EYS: variants seen among roughly 807,000 people sequenced by gnomAD.
EYS encodes the protein protein eyes shut homolog.
EYS carries 250 observed loss-of-function variants against 282.1 expected under a neutral mutation model. That is an observed-to-expected ratio of 0.89 (90% CI 0.80 to 0.98). EYS has a LOEUF of 0.98. EYS is among the 50% of genes least tolerant of loss of function. EYS has a pLI of 0.00. For missense variants in EYS, 4,016 were observed against 3,709.0 expected (o/e 1.08, Z -2.15); for synonymous variants, 1,355 against 1,282.9 (o/e 1.06, Z -1.20).
chr6:64,013,121 A>T (rs1768723110), intron 33 of EYS, among the ~76,000 whole-genome samples: 1 of 152,178 alleles, frequency 6.6e-6, no homozygotes, highest in Admixed American at 6.5e-5. Context: ...TTAAAAAAGG[A>T]TCTGTGATGA....
chr6:64,603,487 T>G (rs1307195550), intron 24 of EYS, among the ~76,000 whole-genome samples: 1 of 151,952 alleles, frequency 6.6e-6, no homozygotes, highest in African/African-American at 2.4e-5. Flanking sequence ...AAAAATCCAT[T>G]AGACAGGAAA....
intron 22 of EYS, among the ~76,000 whole-genome samples, chr6:64,769,079 G>A (rs1474262381): frequency 6.6e-6 from 1 of 152,018 alleles, no homozygotes; most frequent in Non-Finnish European, 1.5e-5. Context: ...AATTCTGCAG[G>A]TAGAAAATAA....
chr6:65,060,413 C>T (rs1297905952), intron 12 of EYS, among the ~76,000 whole-genome samples: 1 of 151,866 alleles, frequency 6.6e-6, no homozygotes, highest in Non-Finnish European at 1.5e-5. Flanking sequence ...TTAAATTCAT[C>T]CCCTAAAGTA....
intron 22 of EYS, among the ~76,000 whole-genome samples, chr6:64,668,557 TTTTTTTTTTC>T (rs1416657644): frequency 6.9e-6 from 1 of 145,072 alleles, no homozygotes; most frequent in Non-Finnish European, 1.5e-5. Context: ...TTTTTTTTTT[TTTTTTTTTTC>T]GGGACAGAGT....
chr6:63,725,017 T>C (rs924349192), intron 42 of EYS, among the ~76,000 whole-genome samples: 9 of 152,176 alleles, frequency 5.9e-5, no homozygotes, highest in Non-Finnish European at 1.3e-4. Context: ...AATAAACTTG[T>C]TATATCACTT....
chr6:64,461,816 A>G (rs1775761146), intron 26 of EYS, among the ~76,000 whole-genome samples: 1 of 152,174 alleles, frequency 6.6e-6, no homozygotes, highest in Non-Finnish European at 1.5e-5. Context: ...TCATTTTAAA[A>G]TATTTTCAAT....
chr6:65,514,097 A>C (rs1767020117), intron 2 of EYS, among the ~76,000 whole-genome samples: 1 of 152,080 alleles, frequency 6.6e-6, no homozygotes, highest in Non-Finnish European at 1.5e-5. Flanking sequence ...GCAAAGTCTC[A>C]GGATACAAAA....
At chr6:65,182,370 T>TA (rs1310740728) in intron 12 of EYS, among the ~76,000 whole-genome samples, 1 of 151,574 alleles carries the variant, frequency 6.6e-6, no homozygotes, top group Middle Eastern at 3.2e-3. Context: ...AGGCCAATTT[T>TA]AAAGCTTTTA....
chr6:65,572,655 G>A (rs536994833), intron 2 of EYS, among the ~76,000 whole-genome samples: 72 of 152,174 alleles, frequency 4.7e-4, no homozygotes, highest in Non-Finnish European at 9.4e-4. Flanking sequence ...TGTAGTCTAG[G>A]TATGTAGTAG....
At position 64,590,653 on chromosome 6, in the gene EYS, G is replaced by C. The variant is rs765960053; in HGVS notation, c.5214C>G (p.His1738Gln). The change falls in exon 26 of 43, where the codon CAC (histidine) becomes CAG (glutamine). Residue 1738 changes from histidine (H) to glutamine (Q), a missense_variant. Physicochemically the swap from His to Gln is conservative, Grantham distance 24. Transcript: ENST00000503581. ...CAAAATCCAGAGAACTATCACTTGG[G>C]TGAAGTTTGAACAGTGTATGAGATC... The part of the protein sequence containing the change: ...SKGSHTLFKL[H>Q]PSDSSLDFEL... 2.6e-6 allele frequency: 4 copies of C among 1,551,152 alleles called. No individual in the cohort carries two copies. Among genetic ancestry groups the C allele is most frequent in the Non-Finnish European group, 3.5e-6 (4 of 1,146,742 alleles).
intron 26 of EYS, among the ~76,000 whole-genome samples, chr6:64,442,207 G>A (rs1774971956): frequency 2.0e-5 from 3 of 152,280 alleles, no homozygotes; most frequent in South Asian, 2.1e-4. Flanking sequence ...TTATGTTTTA[G>A]AAAAGAGACT....
At chr6:64,200,261 T>A (rs990750751) in intron 31 of EYS, among the ~76,000 whole-genome samples, 2 of 151,950 alleles carry the variant, frequency 1.3e-5, no homozygotes, top group African/African-American at 4.8e-5. Flanking sequence ...GGTGGACACG[T>A]GACATGATAC....
intron 36 of EYS, among the ~76,000 whole-genome samples, chr6:63,816,786 A>G (rs1449040569): frequency 6.6e-6 from 1 of 152,236 alleles, no homozygotes; most frequent in African/African-American, 2.4e-5. Flanking sequence ...CCAAAATCCA[A>G]AACTGAAACA....
intron 22 of EYS, among the ~76,000 whole-genome samples, chr6:64,692,860 T>G (rs190567371): frequency 6.6e-6 from 1 of 152,130 alleles, no homozygotes; most frequent in East Asian, 1.9e-4. Context: ...ATGTCCGTTT[T>G]CATTCTAGTA....
At chr6:64,912,094 T>C (rs1372348998) in intron 16 of EYS, among the ~76,000 whole-genome samples, 1 of 152,082 alleles carries the variant, frequency 6.6e-6, no homozygotes, top group Non-Finnish European at 1.5e-5. Flanking sequence ...CAGAAGAAAA[T>C]GTACAATAGG....
intron 40 of EYS, among the ~76,000 whole-genome samples, chr6:63,765,482 C>CT (rs1207967039): frequency 0.016 from 2,284 of 145,772 alleles, 28 homozygotes; most frequent in African/African-American, 0.041. Flanking sequence ...GGCAGTTCAA[C>CT]TTTTTTTTTT....
intron 24 of EYS, among the ~76,000 whole-genome samples, chr6:64,594,135 G>T (rs1766498044): frequency 6.6e-6 from 1 of 152,168 alleles, no homozygotes; most frequent in Non-Finnish European, 1.5e-5. Context: ...TCAGATGTGG[G>T]TGGTGGTTGT....
In EYS at chr6:65,301,439, G is replaced by T. The variant is rs1266651392; in HGVS notation, c.1767-5320C>A. Among the ~76,000 whole-genome samples, 3 of 152,342 alleles carry T rather than the reference G, an allele frequency of 2.0e-5. No individual in the cohort carries two copies. The South Asian group carries it at 6.2e-4, about 32-fold the overall frequency. ...GCACTTTTACCGGCCGGGCCTTAGA[G>T]CGCAGCCTGTAGCCGGGCGCCATCT... On this transcript the variant is annotated intron_variant, in intron 11 of 42. Transcript: ENST00000503581.
rs559772039 is a variant in EYS, at chr6:64,817,413, T to A, written c.3244-3836A>T. 4.6e-5 allele frequency among the ~76,000 whole-genome samples: 7 copies of A among 152,228 alleles called. 1 individual carries two copies. Among genetic ancestry groups the A allele is most frequent in the African/African-American group, 1.7e-4 (7 of 41,546 alleles). Reference sequence around the variant, plus strand: ...TACATGATATACATGGCAGACAAAATGTAAATTATATTAAATAAAAAGCTC... The same window carrying A: ...TACATGATATACATGGCAGACAAAAAGTAAATTATATTAAATAAAAAGCTC... On this transcript the variant is annotated intron_variant, in intron 21 of 42. Transcript: ENST00000503581.
Sources: gnomAD v4.1 joint callset for allele counts (sites outside exome capture counted in the v4.1 genomes callset) on GRCh38, gnomAD v4.1.1 for gene constraint, MANE v1.5 for transcripts, NCBI Gene and HGNC (gene_info 2026-07-23, HGNC 2026-07-21) for gene names.